The following C1orf94 variants were observed in gnomAD, a reference collection of about 807,000 sequenced individuals.
The protein encoded by C1orf94 is chromosome 1 open reading frame 94, also known as uncharacterized protein C1orf94.
C1orf94 carries 45 observed loss-of-function variants against 53.6 expected under a neutral mutation model. The observed-to-expected ratio is 0.84, with a 90% CI of 0.66 to 1.08. The LOEUF (loss-of-function observed/expected upper bound fraction) is 1.08, where lower values mean the gene tolerates loss of function less well. Ranked by LOEUF, C1orf94 falls within the 50% of genes least tolerant of loss-of-function variation. The probability of loss-of-function intolerance (pLI) is 0.00; values close to 1 mark genes in which losing one functional copy is unlikely to be tolerated. For missense variants in C1orf94, 762 were observed against 738.9 expected, an observed-to-expected ratio of 1.03 and a Z score of -0.36; for synonymous variants, 304 against 296.1, an observed-to-expected ratio of 1.03 and a Z score of -0.27.
Position 34,177,750 on chromosome 1 carries a change from C to T in C1orf94, c.-40C>T. 15 of 1,487,760 alleles carry T rather than the reference C, an allele frequency of 1.0e-5. No homozygotes were observed. Among genetic ancestry groups the T allele is most frequent in the Non-Finnish European group, 1.3e-5 (15 of 1,111,806 alleles). 92.2% of individuals were successfully genotyped at this position (1,487,760 alleles called of 1,614,324 possible). On this transcript the variant is annotated 5_prime_UTR_variant, in exon 1 of 7. Transcript: ENST00000488417. ...GAGCGAAAGCCAGACAGAACTGACC[C>T]ACTTCTGCCAAGCCCCATCCTCATC...
intron 5 of C1orf94, among the ~76,000 whole-genome samples, chr1:34,209,268 G>A (rs1642851305): frequency 6.9e-6 from 1 of 144,470 alleles, no homozygotes; most frequent in Admixed American, 6.9e-5. Context: ...AAATAAAGCA[G>A]CAGAAAGAGA....
At chr1:34,186,605 C>A (rs1250435155) in intron 1 of C1orf94, among the ~76,000 whole-genome samples, 1 of 152,196 alleles carries the variant, frequency 6.6e-6, no homozygotes, top group Non-Finnish European at 1.5e-5. Context: ...CAGAAGGGGT[C>A]ATCATAAGAG....
At chr1:34,172,480 T>A (rs142162831), upstream of C1orf94, among the ~76,000 whole-genome samples, 1 of 152,356 alleles carries the variant, frequency 6.6e-6, no homozygotes, top group Non-Finnish European at 1.5e-5. Context: ...CTATTGTTTT[T>A]ACAACTTTGC....
At chr1:34,184,268 T>C (rs926244418) in intron 1 of C1orf94, among the ~76,000 whole-genome samples, 4 of 152,156 alleles carry the variant, frequency 2.6e-5, no homozygotes, top group African/African-American at 9.7e-5. Context: ...AAGAACAGCC[T>C]ATGGAAAGAG....
chr1:34,206,268 G>A (rs1642791429), intron 4 of C1orf94, among the ~76,000 whole-genome samples: 1 of 152,244 alleles, frequency 6.6e-6, no homozygotes, highest in Non-Finnish European at 1.5e-5. Context: ...TCCTGTGAGG[G>A]GTGGATGGCA....
upstream of C1orf94, among the ~76,000 whole-genome samples, chr1:34,174,859 A>G (rs1385759624): frequency 1.3e-5 from 2 of 152,224 alleles, no homozygotes; most frequent in African/African-American, 4.8e-5. Context: ...TGAACTCAGA[A>G]TCTGAACCCA....
chr1:34,216,190 A>G (rs993878332), intron 6 of C1orf94, among the ~76,000 whole-genome samples: 1 of 152,050 alleles, frequency 6.6e-6, no homozygotes, highest in African/African-American at 2.4e-5. Flanking sequence ...AACTCAGGGG[A>G]GAGGTTGGGG....
chr1:34,212,524 A>T (rs1642911729), intron 6 of C1orf94, 118 bp downstream of exon 6: 1 of 1,054,212 alleles, frequency 9.5e-7, no homozygotes, highest in Non-Finnish European at 1.4e-6. Context: ...GTGGGGTGGG[A>T]TGGGCCCTGT....
intron 1 of C1orf94, among the ~76,000 whole-genome samples, chr1:34,179,756 T>C (rs1642285433): frequency 6.6e-6 from 1 of 152,168 alleles, no homozygotes; most frequent in Non-Finnish European, 1.5e-5. Context: ...GTTGTTTTTG[T>C]TGTTGTTGGC....
At chr1:34,211,094 C>T (rs1263267356) in intron 5 of C1orf94, among the ~76,000 whole-genome samples, 1 of 152,044 alleles carries the variant, frequency 6.6e-6, no homozygotes, top group African/African-American at 2.4e-5. Flanking sequence ...CTGATACTCC[C>T]CTCAGTACAC....
intron 2 of C1orf94, 152 bp from the exon 3 acceptor site, chr1:34,200,620 G>T (rs1377998674): frequency 6.4e-5 from 65 of 1,019,118 alleles, no homozygotes; most frequent in Middle Eastern, 6.1e-4. Context: ...GGAGAGATTG[G>T]GATTGTATTT....
Position 34,180,071 on chromosome 1 carries a change from G to A in C1orf94, c.320+1962G>A, listed in dbSNP as rs369306471. On this transcript the variant is annotated intron_variant, in intron 1 of 6. Transcript: ENST00000488417. ...GTGCTGGTGGAGTCAGATAACTCTG[G>A]TTTCAGATTCCATTTCAGCCCCATG... Among the ~76,000 whole-genome samples the A allele has an allele frequency of 3.7e-4, 56 of 152,258 alleles. 2 individuals carry two copies. The East Asian group carries it at 5.0e-3, about 14-fold the overall frequency.
At chr1:34,176,667 G>T (rs1642230289), upstream of C1orf94, among the ~76,000 whole-genome samples, 1 of 152,214 alleles carries the variant, frequency 6.6e-6, no homozygotes, top group South Asian at 2.1e-4. Context: ...AGCTTTAATA[G>T]GATTGAATGT....
chr1:34,206,558 CAT>C (rs920648782), intron 4 of C1orf94, among the ~76,000 whole-genome samples: 1 of 152,202 alleles, frequency 6.6e-6, no homozygotes, highest in Non-Finnish European at 1.5e-5. Context: ...GATGCACACA[CAT>C]AGAAACAGAA....
rs58794132 is a variant in C1orf94, at chr1:34,207,262, G to GGTGTGTGT, written c.1447-860_1447-853dup. ...CACTGCCACAGCAGCAGTTCTGCGG[G>GGTGTGTGT]GTGTGTGTGTGTGTGTGTGTGTGTG... On this transcript the variant is annotated intron_variant, in intron 4 of 6. Coordinates refer to ENST00000488417, the MANE Select transcript of C1orf94 (RefSeq NM_001134734.2). Among the ~76,000 whole-genome samples, 564 of 147,442 alleles carry GGTGTGTGT rather than the reference G, an allele frequency of 3.8e-3. 5 individuals carry two copies. The highest frequency in any genetic ancestry group is 0.013 in the African/African-American group (538 of 39,876).
At chr1:34,205,820 G>A (rs527413957) in intron 4 of C1orf94, among the ~76,000 whole-genome samples, 28 of 152,202 alleles carry the variant, frequency 1.8e-4, no homozygotes, top group African/African-American at 6.7e-4. Context: ...ACTCAGAGAT[G>A]TGAAAGACAA....
At chr1:34,186,085 C>A (rs1642380903) in intron 1 of C1orf94, among the ~76,000 whole-genome samples, 1 of 152,194 alleles carries the variant, frequency 6.6e-6, no homozygotes, top group Admixed American at 6.5e-5. Flanking sequence ...TTTTCTTTCT[C>A]TTTTTCCCAC....
At chr1:34,216,408 G>GA (rs34525426) in intron 6 of C1orf94, among the ~76,000 whole-genome samples, 9 of 152,048 alleles carry the variant, frequency 5.9e-5, no homozygotes, top group African/African-American at 1.2e-4. Flanking sequence ...GTGAGGTGGG[G>GA]AAAAAAATGG....
intron 6 of C1orf94, among the ~76,000 whole-genome samples, chr1:34,217,479 C>CT (rs5773462): frequency 1.2e-3 from 15 of 12,226 alleles, no homozygotes; most frequent in African/African-American, 5.0e-3. Flanking sequence ...CTGAATGATC[C>CT]CAATATGATT....
Sources: allele counts gnomAD v4.1 joint callset (sites outside exome capture counted in the v4.1 genomes callset), GRCh38; gene constraint gnomAD v4.1.1; transcripts MANE v1.5; gene names NCBI Gene and HGNC (gene_info 2026-07-23, HGNC 2026-07-21).